MAN1C1: variants seen among roughly 807,000 people sequenced by gnomAD.
MAN1C1 encodes the protein mannosyl-oligosaccharide 1,2-alpha-mannosidase IC.
In MAN1C1, 49 loss-of-function variants were observed where a neutral mutation model predicts 71.5. That is an observed-to-expected ratio of 0.69 (90% CI 0.54 to 0.87). The LOEUF is 0.87. Ranked by LOEUF, MAN1C1 falls within the 40% of genes least tolerant of loss-of-function variation. The pLI is 0.00. For missense variants in MAN1C1, 743 were observed against 835.0 expected (o/e 0.89, Z 1.36); for synonymous variants, 352 against 343.7 (o/e 1.02, Z -0.27).
In MAN1C1 at chr1:25,783,811, TG is replaced by T. The variant is rs1374661370; in HGVS notation, c.*26del. 2 of 1,604,530 alleles carry T rather than the reference TG, an allele frequency of 1.2e-6. No homozygotes were observed. The highest frequency in any genetic ancestry group is 8.5e-7 in the Non-Finnish European group (1 of 1,178,252). On this transcript the variant is annotated 3_prime_UTR_variant, in exon 12 of 12. Transcript: ENST00000374332. ...CTGACCCCATCTCCTGCCGCCGCCC[TG>T]GGGCCGCCGCAGGGATGCCTTGCCT...
At chr1:25,731,303 C>T (rs1430954200) in intron 2 of MAN1C1, among the ~76,000 whole-genome samples, 2 of 151,882 alleles carry the variant, frequency 1.3e-5, no homozygotes, top group Non-Finnish European at 2.9e-5. Context: ...GAGTGAGACC[C>T]TGACTCAAAA....
Position 25,631,072 on chromosome 1 carries a change from C to A in MAN1C1, c.540+12735C>A, listed in dbSNP as rs977747664. ...CCCCGCCTCCCGCATTTAAGTGATT[C>A]TTGTGCCTCAGCCTCCTGAGCAGCT... On this transcript the variant is annotated intron_variant, in intron 1 of 11. Transcript: ENST00000374332. This position sits in a 1 kb window ranked among gnomAD's most constrained non-coding sequence, Gnocchi z 4.2. Among the ~76,000 whole-genome samples, 1 of 152,192 alleles carries A rather than the reference C, an allele frequency of 6.6e-6. No homozygotes were observed. The highest frequency in any genetic ancestry group is 2.4e-5 in the African/African-American group (1 of 41,434).
At chr1:25,681,064 T>TA (rs1271946611) in intron 1 of MAN1C1, among the ~76,000 whole-genome samples, 101 of 145,890 alleles carry the variant, frequency 6.9e-4, no homozygotes, top group Middle Eastern at 3.5e-3. Flanking sequence ...CTACTAAAAA[T>TA]AAAAAAAAAA....
At chr1:25,694,588 G>T (rs1479619471) in intron 2 of MAN1C1, among the ~76,000 whole-genome samples, 1 of 152,162 alleles carries the variant, frequency 6.6e-6, no homozygotes. Flanking sequence ...ATAAATCCAG[G>T]CCCCAAGATG....
At chr1:25,732,391 C>T (rs1173587141) in intron 2 of MAN1C1, among the ~76,000 whole-genome samples, 1 of 152,196 alleles carries the variant, frequency 6.6e-6, no homozygotes, top group East Asian at 1.9e-4. Context: ...TGAGTCCTGG[C>T]TCCCTGTTCA....
chr1:25,779,003 A>C lies in MAN1C1; in HGVS notation c.1477+679A>C, dbSNP rs937317273. ...AAGTCACACTGCACATGAGGAATTG[A>C]TCCTGGGCTGGAACCCAGGCCTTCT... On this transcript the variant is annotated intron_variant, in intron 9 of 11. Transcript: ENST00000374332. The surrounding 1 kb of genome is among the most constrained non-coding windows in gnomAD (Gnocchi z 4.6). Among the ~76,000 whole-genome samples, 1 of 152,106 alleles carries C rather than the reference A, an allele frequency of 6.6e-6. No homozygotes were observed. Among genetic ancestry groups the C allele is most frequent in the Non-Finnish European group, 1.5e-5 (1 of 68,014 alleles).
intron 1 of MAN1C1, among the ~76,000 whole-genome samples, chr1:25,662,563 C>T (rs539684943): frequency 8.8e-6 from 1 of 113,116 alleles, no homozygotes; most frequent in Non-Finnish European, 1.5e-5. Context: ...ATGGCGTGCA[C>T]ACATGCGCAC....
intron 2 of MAN1C1, among the ~76,000 whole-genome samples, chr1:25,686,765 A>C (rs2046237529): frequency 6.6e-6 from 1 of 152,150 alleles, no homozygotes; most frequent in African/African-American, 2.4e-5. Context: ...ACTGCTTTGT[A>C]TGAAATTATC....
chr1:25,731,475 T>C (rs566663489), intron 2 of MAN1C1, among the ~76,000 whole-genome samples: 77 of 152,336 alleles, frequency 5.1e-4, no homozygotes, highest in African/African-American at 1.8e-3. Flanking sequence ...TCGTCTACAT[T>C]ATCTGCATTT....
chr1:25,763,609 G>A (rs1299981228), intron 6 of MAN1C1: 2 of 467,002 alleles, frequency 4.3e-6, no homozygotes, highest in Non-Finnish European at 7.8e-6. Flanking sequence ...GTGGTTCTGG[G>A]GTTGAGACTG....
intron 1 of MAN1C1, among the ~76,000 whole-genome samples, chr1:25,619,119 C>G (rs1252724136): frequency 6.6e-6 from 1 of 152,186 alleles, no homozygotes; most frequent in Non-Finnish European, 1.5e-5. Context: ...GCAAACACAG[C>G]CTCACAAGGC....
At chr1:25,636,393 C>A (rs2045460805) in intron 1 of MAN1C1, among the ~76,000 whole-genome samples, 1 of 152,150 alleles carries the variant, frequency 6.6e-6, no homozygotes, top group Non-Finnish European at 1.5e-5. Flanking sequence ...ATAGACCTCC[C>A]CCCAGGAATA....
chr1:25,686,311 C>G (rs753797553), intron 1 of MAN1C1, 129 bp from the exon 2 acceptor site: 1 of 761,912 alleles, frequency 1.3e-6, no homozygotes, highest in Non-Finnish European at 2.3e-6. Context: ...GTCACTTTCT[C>G]CAATTTGGAA....
At chr1:25,720,338 G>A (rs2046746724) in intron 2 of MAN1C1, among the ~76,000 whole-genome samples, 1 of 151,812 alleles carries the variant, frequency 6.6e-6, no homozygotes, top group Non-Finnish European at 1.5e-5. Context: ...CAGCCTCCAA[G>A]TAGCCAGGAT....
rs570107187 is a variant in MAN1C1 at position 25,740,716 on chromosome 1, G to A, written c.638-5952G>A. On this transcript the variant is annotated intron_variant, in intron 2 of 11. Transcript: ENST00000374332. ...CTCCCAAAGTGCTGGGATTACAGGC[G>A]TGAGCCACCGCGCCCGGCTGACTTG... is the stretch of plus-strand genomic sequence containing the variant. 5.3e-5 allele frequency among the ~76,000 whole-genome samples: 8 copies of A among 152,248 alleles called. No homozygotes were observed. The East Asian group carries it at 1.4e-3, about 26-fold the overall frequency.
intron 2 of MAN1C1, among the ~76,000 whole-genome samples, chr1:25,731,482 A>G (rs1396202649): frequency 1.3e-5 from 2 of 152,212 alleles, no homozygotes; most frequent in Non-Finnish European, 2.9e-5. Context: ...CATTATCTGC[A>G]TTTCACAGAG....
At position 25,776,511 on chromosome 1, in the gene MAN1C1, C is replaced by A. The variant is rs1252731436; in HGVS notation, c.1258-1594C>A. Among the ~76,000 whole-genome samples the A allele has an allele frequency of 6.6e-6, 1 of 152,108 alleles. No individual in the cohort carries two copies. Among genetic ancestry groups the A allele is most frequent in the Non-Finnish European group, 1.5e-5 (1 of 67,984 alleles). ...GAGGTTGCAGTGAGCCAAGATCATG[C>A]CACTGCACTTCAGCCTGGGTGACAG... On this transcript the variant is annotated intron_variant, in intron 8 of 11. Coordinates refer to ENST00000374332, the MANE Select transcript of MAN1C1 (RefSeq NM_020379.4). The surrounding 1 kb of genome is among the most constrained non-coding windows in gnomAD (Gnocchi z 4.3).
intron 1 of MAN1C1, among the ~76,000 whole-genome samples, chr1:25,638,276 T>G (rs145868971): frequency 1.3e-5 from 2 of 152,318 alleles, no homozygotes; most frequent in Non-Finnish European, 2.9e-5. Context: ...CATCATTTCA[T>G]GTATAATGTA....
chr1:25,723,467 G>A (rs548571356), intron 2 of MAN1C1, among the ~76,000 whole-genome samples: 13 of 152,164 alleles, frequency 8.5e-5, no homozygotes, highest in Non-Finnish European at 1.8e-4. Context: ...CTTAGGGTTC[G>A]GCTTTCTTGG....
Sources: gnomAD v4.1 joint callset for allele counts (sites outside exome capture counted in the v4.1 genomes callset) on GRCh38, gnomAD v4.1.1 for gene constraint, Gnocchi (gnomAD v3.1) non-coding constraint, MANE v1.5 for transcripts, NCBI Gene and HGNC (gene_info 2026-07-23, HGNC 2026-07-21) for gene names.